Variants in ANKRD30A observed in about 807,000 individuals in gnomAD.
ANKRD30A encodes the protein ankyrin repeat domain-containing protein 30A.
ANKRD30A carries 170 observed loss-of-function variants against 166.3 expected under a neutral mutation model. The observed-to-expected ratio is 1.02, with a 90% CI of 0.90 to 1.16. The LOEUF (loss-of-function observed/expected upper bound fraction) is 1.16. ANKRD30A is among the 50% of genes most tolerant of loss of function. The probability of loss-of-function intolerance (pLI) is 0.00; values close to 1 mark genes in which losing one functional copy is unlikely to be tolerated. For missense variants in ANKRD30A, 1,630 were observed against 1,518.0 expected (o/e 1.07, Z -1.23); for synonymous variants, 564 against 508.9 (o/e 1.11, Z -1.46).
chr10:37,137,157 A>T (rs1416543007), intron 6 of ANKRD30A, among the ~76,000 whole-genome samples: 3 of 152,148 alleles, frequency 2.0e-5, no homozygotes. Flanking sequence ...AAATTTTATT[A>T]CAAATTATAA....
chr10:37,150,943 C>T (rs1219682279), intron 11 of ANKRD30A, among the ~76,000 whole-genome samples: 1 of 151,534 alleles, frequency 6.6e-6, no homozygotes, highest in East Asian at 1.9e-4. Flanking sequence ...GGTGTGGCAA[C>T]ACGTTAGATC....
chr10:37,206,373 C>A (rs1462640071), intron 31 of ANKRD30A, among the ~76,000 whole-genome samples: 1 of 152,162 alleles, frequency 6.6e-6, no homozygotes, highest in Non-Finnish European at 1.5e-5. Context: ...CACAGTGACT[C>A]ATTACTCTTC....
Position 37,125,979 on chromosome 10 carries a change from C to T in ANKRD30A, c.192C>T (p.Ile64=), listed in dbSNP as rs761265123. The change falls in exon 1 of 36, where the codon ATC becomes ATT. Residue 64 remains isoleucine (I), a synonymous_variant. Coordinates refer to ENST00000361713, the MANE Select transcript of ANKRD30A (RefSeq NM_052997.3). ...AGATGACAAAGAGGAAGAAGACCAT[C>T]AACCTTAATATACAAGACGCCCAGA... ...LEKMTKRKKT[I]NLNIQDAQKR... 1 of 1,608,348 alleles carries T rather than the reference C, an allele frequency of 6.2e-7. No individual in the cohort carries two copies. Among genetic ancestry groups the T allele is most frequent in the African/African-American group, 1.3e-5 (1 of 74,738 alleles).
Position 37,141,805 on chromosome 10 carries a change from C to G in ANKRD30A, c.908C>G (p.Pro303Arg). 1 of 1,612,354 alleles carries G rather than the reference C, an allele frequency of 6.2e-7. No homozygotes were observed. The highest frequency in any genetic ancestry group is 1.1e-5 in the South Asian group (1 of 90,992). ...DTAESLVEKTPDEAAPLVERT... is the reference protein window; with the variant it reads ...DTAESLVEKTRDEAAPLVERT... ...GCTGAAAGCTTGGTGGAAAAAACAC[C>G]TGATGAGGCTGCACCCTTGGTGGAA... Residue 303 changes from proline (P) to arginine (R), a missense_variant, in exon 7 of 36, where the codon CCT (proline) becomes CGT (arginine). Pro to Arg is a moderately radical substitution (Grantham distance 103). This residue lies in a region of ANKRD30A where 904 missense variants were observed against 818.5 expected (regional missense o/e 1.10). Coordinates refer to ENST00000361713, the MANE Select transcript of ANKRD30A (RefSeq NM_052997.3).
chr10:37,235,923 C>T (rs574738088), downstream of ANKRD30A, among the ~76,000 whole-genome samples: 2 of 151,958 alleles, frequency 1.3e-5, no homozygotes, highest in Non-Finnish European at 2.9e-5. Context: ...GCGCCCGCCA[C>T]CAAGCACAGC....
At chr10:37,231,393 A>G (rs1843407118) in intron 34 of ANKRD30A, 68 bp from the exon 35 acceptor site, 3 of 1,355,166 alleles carry the variant, frequency 2.2e-6, no homozygotes, top group Non-Finnish European at 3.1e-6. Flanking sequence ...CTTTTTAAAT[A>G]CAAGTCCTTT....
chr10:37,207,082 A>T (rs898597015), intron 31 of ANKRD30A, among the ~76,000 whole-genome samples: 2 of 152,150 alleles, frequency 1.3e-5, no homozygotes, highest in African/African-American at 4.8e-5. Context: ...CAGATGGATA[A>T]GTGAGAGGAT....
At chr10:37,165,495 C>T (rs1453240007) in intron 18 of ANKRD30A, among the ~76,000 whole-genome samples, 1 of 152,150 alleles carries the variant, frequency 6.6e-6, no homozygotes, top group South Asian at 2.1e-4. Flanking sequence ...ATGATTCTGT[C>T]TTATATCTAG....
intron 11 of ANKRD30A, among the ~76,000 whole-genome samples, chr10:37,150,623 C>T (rs576547072): frequency 6.6e-6 from 1 of 152,104 alleles, no homozygotes; most frequent in East Asian, 1.9e-4. Flanking sequence ...TGTTCAGAAA[C>T]ATTCTTTTTT....
Position 37,165,084 on chromosome 10 carries a change from C to G in ANKRD30A, c.2003-10C>G. 6.2e-7 allele frequency: 1 copy of G among 1,604,574 alleles called. No individual in the cohort carries two copies. Among genetic ancestry groups the G allele is most frequent in the East Asian group, 2.2e-5 (1 of 44,660 alleles). On this transcript the variant is annotated splice_polypyrimidine_tract_variant and intron_variant, in intron 17 of 35. Coordinates refer to ENST00000361713, the MANE Select transcript of ANKRD30A (RefSeq NM_052997.3). The stretch of plus-strand genomic sequence containing the variant: ...TGCTCATGAATGTATCTGTGATTAA[C>G]CTTTTATAGATGAGATACTCCCATC...
chr10:37,189,841 A>C (rs1840383942), intron 25 of ANKRD30A, among the ~76,000 whole-genome samples: 1 of 151,406 alleles, frequency 6.6e-6, no homozygotes, highest in African/African-American at 2.4e-5. Context: ...GTAAATGAAG[A>C]CTGAGAAAGA....
In ANKRD30A at chr10:37,217,754, T is replaced by C. The variant is rs533093721; in HGVS notation, c.3143T>C (p.Ile1048Thr). ...RRNADILNEK[I>T]REELGRIEEQ... ...AATGCCGATATATTAAATGAAAAAA[T>C]TAGGGAAGAATTAGGAAGAATCGAA... The change falls in exon 33 of 36, where the codon ATT (isoleucine) becomes ACT (threonine). Residue 1048 changes from isoleucine to threonine, a missense_variant. Ile to Thr is a moderately conservative substitution (Grantham distance 89, BLOSUM62 -1). This residue lies in a region of ANKRD30A where 712 missense variants were observed against 629.3 expected (regional missense o/e 1.13). Transcript: ENST00000361713. 6.3e-7 allele frequency: 1 copy of C among 1,592,572 alleles called. No individual in the cohort carries two copies. The highest frequency in any genetic ancestry group is 2.3e-5 in the East Asian group (1 of 43,862).
At chr10:37,260,970 G>T in the ANKRD30A span, among the ~76,000 whole-genome samples, 1 of 147,516 alleles carries the variant, frequency 6.8e-6, no homozygotes, top group Admixed American at 6.8e-5. Flanking sequence ...TGATGGATTT[G>T]TTTGTACTCC....
At chr10:37,162,919 C>G in intron 17 of ANKRD30A, 71 bp downstream of exon 17, 4 of 1,541,904 alleles carry the variant, frequency 2.6e-6, no homozygotes, top group East Asian at 2.3e-5. Context: ...CTTTCTGTAC[C>G]CAATGGTTTA....
intron 27 of ANKRD30A, among the ~76,000 whole-genome samples, chr10:37,193,767 C>G (rs1011302396): frequency 7.9e-5 from 12 of 152,016 alleles, no homozygotes; most frequent in Non-Finnish European, 1.8e-4. Flanking sequence ...TGACTCTTGT[C>G]TAGACACGGT....
chr10:37,211,487 T>A (rs1842313648), intron 31 of ANKRD30A, among the ~76,000 whole-genome samples: 1 of 152,192 alleles, frequency 6.6e-6, no homozygotes, highest in Admixed American at 6.6e-5. Flanking sequence ...GGCTGCATAG[T>A]ATTCCATGGT....
Position 37,166,750 on chromosome 10 carries a change from T to G in ANKRD30A, c.2155+55T>G, listed in dbSNP as rs1266556277. 4.4e-6 allele frequency: 7 copies of G among 1,607,420 alleles called. No individual in the cohort carries two copies. In the South Asian group the frequency reaches 5.6e-5, roughly 13 times the overall value. ...TTGACCAAATATTTCTCTAAACTGA[T>G]GAGGAAGGATATCCTCTAGTAGCTG... On this transcript the variant is annotated intron_variant, in intron 19 of 35. Coordinates refer to ENST00000361713, the MANE Select transcript of ANKRD30A (RefSeq NM_052997.3).
At chr10:37,254,884 G>T in the ANKRD30A span, among the ~76,000 whole-genome samples, 2 of 151,782 alleles carry the variant, frequency 1.3e-5, no homozygotes, top group Non-Finnish European at 2.9e-5. Flanking sequence ...GGGCTTCACC[G>T]TGTTAGCCAG....
At chr10:37,167,372 G>C (rs1347484161) in intron 19 of ANKRD30A, among the ~76,000 whole-genome samples, 1 of 149,460 alleles carries the variant, frequency 6.7e-6, no homozygotes, top group African/African-American at 2.5e-5. Flanking sequence ...TAAGAACCTT[G>C]GCTTTATTTT....
Sources: allele counts gnomAD v4.1 joint callset (sites outside exome capture counted in the v4.1 genomes callset), GRCh38; gene constraint gnomAD v4.1.1; regional missense constraint gnomAD v4.1.1; transcripts MANE v1.5; gene names NCBI Gene and HGNC (gene_info 2026-07-23, HGNC 2026-07-21).